PKIG: variants seen among roughly 807,000 people sequenced by gnomAD.
The protein encoded by PKIG is cAMP-dependent protein kinase inhibitor gamma.
A neutral mutation model predicts 6.8 loss-of-function variants in PKIG; 1 was observed. The observed-to-expected ratio is 0.15, with a 90% confidence interval of 0.05 to 0.69. PKIG has a LOEUF of 0.69. Ranked by LOEUF, PKIG falls within the 30% of genes least tolerant of loss-of-function variation. The probability of loss-of-function intolerance (pLI) is 0.82; values close to 1 mark genes in which losing one functional copy is unlikely to be tolerated. For missense variants in PKIG, 77 were observed against 104.0 expected, an observed-to-expected ratio of 0.74 and a Z score of 1.13; for synonymous variants, 39 against 43.0, an observed-to-expected ratio of 0.91 and a Z score of 0.36.
chr20:44,618,268 CTT>C lies in PKIG; in HGVS notation c.152-15_152-14del. ...GTGTATATGTGCCCAAGAAAAACCTCTTTCTCTCCTCTCCAGAAGGACAGGTG... is the reference window on the plus strand; with the variant it reads ...GTGTATATGTGCCCAAGAAAAACCTCTCTCTCCTCTCCAGAAGGACAGGTG... On this transcript the variant is annotated splice_polypyrimidine_tract_variant and intron_variant, in intron 3 of 3. Transcript: ENST00000372886. 6.3e-7 allele frequency: 1 copy of C among 1,582,562 alleles called. No individual in the cohort carries two copies. Among genetic ancestry groups the C allele is most frequent in the Non-Finnish European group, 8.7e-7 (1 of 1,151,394 alleles).
At chr20:44,588,988 T>C (rs2065012811) in intron 1 of PKIG, among the ~76,000 whole-genome samples, 2 of 152,254 alleles carry the variant, frequency 1.3e-5, no homozygotes, top group Non-Finnish European at 2.9e-5. Flanking sequence ...TTTCATTTCT[T>C]TTCTCACAAT....
intron 1 of PKIG, among the ~76,000 whole-genome samples, chr20:44,569,939 G>A (rs1471248200): frequency 6.6e-6 from 1 of 152,170 alleles, no homozygotes; most frequent in Non-Finnish European, 1.5e-5. Context: ...GACCAGCCTG[G>A]CGACACAGTG....
intron 1 of PKIG, among the ~76,000 whole-genome samples, chr20:44,568,055 AG>A (rs1600858413): frequency 6.6e-6 from 1 of 152,136 alleles, no homozygotes; most frequent in East Asian, 1.9e-4. Context: ...CTGAAGTGGG[AG>A]GATCACCTGA....
rs549476398 is a variant in PKIG at position 44,589,389 on chromosome 20, T to C, written c.-93-408T>C. Among the ~76,000 whole-genome samples the C allele has an allele frequency of 4.6e-5, 7 of 152,188 alleles. No individual in the cohort carries two copies. In the East Asian group the frequency reaches 1.3e-3, roughly 29 times the overall value. ...TTTTTTTAATTAAAAAATGATAATA[T>C]ATGCAATTTTACAATATGCTTTTTA... On this transcript the variant is annotated intron_variant, in intron 1 of 3. Transcript: ENST00000372886.
intron 2 of PKIG, among the ~76,000 whole-genome samples, chr20:44,604,540 G>A (rs535742861): frequency 5.3e-5 from 8 of 152,344 alleles, no homozygotes; most frequent in Non-Finnish European, 7.3e-5. Context: ...TGGACTAGGA[G>A]AATGTAAAAG....
intron 1 of PKIG, among the ~76,000 whole-genome samples, chr20:44,567,838 TTG>T: frequency 6.6e-6 from 1 of 152,218 alleles, no homozygotes; most frequent in Non-Finnish European, 1.5e-5. Context: ...GACAATGTGT[TTG>T]ATATTTTGAT....
At chr20:44,597,145 C>G (rs759391361) in intron 2 of PKIG, among the ~76,000 whole-genome samples, 2 of 152,136 alleles carry the variant, frequency 1.3e-5, no homozygotes, top group Non-Finnish European at 2.9e-5. Context: ...GGACAGTGAT[C>G]ATTAGCTAGA....
intron 1 of PKIG, among the ~76,000 whole-genome samples, chr20:44,562,739 A>C (rs902293844): frequency 1.3e-5 from 2 of 152,178 alleles, no homozygotes; most frequent in Non-Finnish European, 2.9e-5. Context: ...TGAATGGATA[A>C]ATTTATTAGT....
At chr20:44,554,446 C>A (rs2064696217) in intron 1 of PKIG, among the ~76,000 whole-genome samples, 2 of 152,096 alleles carry the variant, frequency 1.3e-5, no homozygotes. Flanking sequence ...ATGCATATAC[C>A]TATGTAACCA....
chr20:44,534,037 T>C (rs1001350336), intron 1 of PKIG, among the ~76,000 whole-genome samples: 4 of 152,122 alleles, frequency 2.6e-5, no homozygotes, highest in African/African-American at 9.7e-5. Context: ...AAGAGTGGGA[T>C]GTGAGAAAGA....
intron 2 of PKIG, among the ~76,000 whole-genome samples, chr20:44,602,335 A>T (rs1341045096): frequency 6.6e-6 from 1 of 152,182 alleles, no homozygotes; most frequent in African/African-American, 2.4e-5. Context: ...TAACTGCATG[A>T]TCCACATGCA....
intron 1 of PKIG, among the ~76,000 whole-genome samples, chr20:44,552,278 T>C (rs1302708875): frequency 1.3e-5 from 2 of 152,228 alleles, no homozygotes; most frequent in African/African-American, 4.8e-5. Flanking sequence ...ACATTCTGTC[T>C]TGTGACACTA....
At chr20:44,606,228 A>T (rs751685181) in intron 2 of PKIG, among the ~76,000 whole-genome samples, 4 of 152,234 alleles carry the variant, frequency 2.6e-5, no homozygotes, top group Non-Finnish European at 5.9e-5. Context: ...AACAGTAAAC[A>T]GAAAAGGAGA....
At chr20:44,607,375 A>T (rs1481587170) in intron 2 of PKIG, among the ~76,000 whole-genome samples, 3,114 of 106,030 alleles carry the variant, frequency 0.029, 104 homozygotes, top group Admixed American at 0.11. Flanking sequence ...ATATATATAT[A>T]TATTTTTTTT....
At chr20:44,605,143 C>T (rs756791896) in intron 2 of PKIG, among the ~76,000 whole-genome samples, 11 of 152,238 alleles carry the variant, frequency 7.2e-5, no homozygotes, top group Middle Eastern at 3.4e-3. Flanking sequence ...CGGTGGCTCA[C>T]GCCTGTAATC....
intron 1 of PKIG, among the ~76,000 whole-genome samples, chr20:44,538,007 T>A (rs1312021154): frequency 6.6e-6 from 1 of 152,168 alleles, no homozygotes. Context: ...AAATTTAAAA[T>A]TTTTCACATT....
intron 1 of PKIG, among the ~76,000 whole-genome samples, chr20:44,545,559 T>C (rs1268555579): frequency 1.3e-5 from 2 of 152,074 alleles, no homozygotes; most frequent in East Asian, 1.9e-4. Context: ...AGGGTAACTC[T>C]CACCTGTAAT....
chr20:44,593,625 G>A (rs1221943336), intron 2 of PKIG, among the ~76,000 whole-genome samples: 2 of 152,150 alleles, frequency 1.3e-5, no homozygotes, highest in African/African-American at 4.8e-5. Context: ...ATGGAGAGAT[G>A]TTGAGCAAAG....
intron 2 of PKIG, among the ~76,000 whole-genome samples, chr20:44,607,300 A>G (rs574219477): frequency 6.6e-6 from 1 of 150,950 alleles, no homozygotes; most frequent in East Asian, 1.9e-4. Context: ...AGAGTGATCT[A>G]CAGTTGTTTC....
Sources: gnomAD v4.1 joint callset for allele counts (sites outside exome capture counted in the v4.1 genomes callset) on GRCh38, gnomAD v4.1.1 for gene constraint, MANE v1.5 for transcripts, NCBI Gene and HGNC (gene_info 2026-07-23, HGNC 2026-07-21) for gene names.